FBXL17: variants seen among roughly 807,000 people sequenced by gnomAD.
FBXL17 encodes the protein F-box/LRR-repeat protein 17.
Under a neutral mutation model 66.2 loss-of-function variants are expected in FBXL17, and 22 were observed. The ratio of observed to expected loss-of-function variants is 0.33; its 90% CI spans 0.24 to 0.47. FBXL17 has a LOEUF of 0.47. Among genes scored for constraint, FBXL17 ranks in the 20% least tolerant of loss-of-function variants. The probability of loss-of-function intolerance (pLI) is 1.00; values close to 1 mark genes in which losing one functional copy is unlikely to be tolerated. For synonymous variants in FBXL17, 474 were observed against 400.5 expected (o/e 1.18, Z -2.19); for missense variants, 878 against 948.2 (o/e 0.93, Z 0.97).
At chr5:107,980,664 A>ATTT (rs57472813) in intron 7 of FBXL17, among the ~76,000 whole-genome samples, 6 of 62,062 alleles carry the variant, frequency 9.7e-5, no homozygotes, top group African/African-American at 5.1e-4. Flanking sequence ...ATATATATAT[A>ATTT]TTTTTTTTTT....
intron 7 of FBXL17, among the ~76,000 whole-genome samples, chr5:107,986,557 G>A (rs936717729): frequency 2.6e-5 from 4 of 151,452 alleles, no homozygotes; most frequent in African/African-American, 9.7e-5. Flanking sequence ...CTTATCTCTT[G>A]AATATAACAG....
chr5:108,073,186 T>C (rs1458641141), intron 6 of FBXL17, among the ~76,000 whole-genome samples: 1 of 152,140 alleles, frequency 6.6e-6, no homozygotes, highest in Non-Finnish European at 1.5e-5. Context: ...CCAAATCTAC[T>C]GGGAAACATC....
chr5:108,247,943 G>T (rs1756178349), intron 4 of FBXL17, among the ~76,000 whole-genome samples: 1 of 152,158 alleles, frequency 6.6e-6, no homozygotes, highest in South Asian at 2.1e-4. Context: ...TGAAGACTCT[G>T]ACTCTTTGGC....
chr5:108,232,084 A>G (rs535022344), intron 4 of FBXL17, among the ~76,000 whole-genome samples: 9 of 152,350 alleles, frequency 5.9e-5, no homozygotes, highest in African/African-American at 2.2e-4. Flanking sequence ...GACAGAAACA[A>G]GGACTGTAAC....
chr5:108,303,139 T>C (rs776944073), intron 4 of FBXL17, among the ~76,000 whole-genome samples: 1 of 151,878 alleles, frequency 6.6e-6, no homozygotes, highest in Non-Finnish European at 1.5e-5. Flanking sequence ...CTTGTATATA[T>C]ATAAAAATGT....
chr5:108,282,624 T>C (rs1216623901), intron 4 of FBXL17, among the ~76,000 whole-genome samples: 1 of 151,734 alleles, frequency 6.6e-6, no homozygotes, highest in Non-Finnish European at 1.5e-5. Flanking sequence ...ATACCCACTT[T>C]ACTATTCCTA....
At chr5:107,937,786 C>A (rs940800319) in intron 7 of FBXL17, among the ~76,000 whole-genome samples, 1 of 152,132 alleles carries the variant, frequency 6.6e-6, no homozygotes, top group Non-Finnish European at 1.5e-5. Context: ...ACACCTCTCA[C>A]TGGCAATATT....
At chr5:108,373,367 T>TAAAA (rs1399740724) in intron 1 of FBXL17, among the ~76,000 whole-genome samples, 1 of 44,106 alleles carries the variant, frequency 2.3e-5, no homozygotes, top group Non-Finnish European at 4.6e-5. Flanking sequence ...TATATATTAA[T>TAAAA]ATAAATATAT....
chr5:108,279,303 A>T (rs1312549813), intron 4 of FBXL17, among the ~76,000 whole-genome samples: 1 of 152,144 alleles, frequency 6.6e-6, no homozygotes, highest in East Asian at 1.9e-4. Context: ...AACAAAAGGC[A>T]TGCTTAGTCC....
intron 4 of FBXL17, among the ~76,000 whole-genome samples, chr5:108,300,750 TAAAG>T (rs1758551433): frequency 6.6e-6 from 1 of 151,524 alleles, no homozygotes; most frequent in Admixed American, 6.6e-5. Flanking sequence ...AAGGAAAAAA[TAAAG>T]ATATATATTT....
At chr5:108,159,340 G>C (rs1184534730) in intron 6 of FBXL17, among the ~76,000 whole-genome samples, 1 of 152,152 alleles carries the variant, frequency 6.6e-6, no homozygotes, top group Non-Finnish European at 1.5e-5. Context: ...TTGATAGTGT[G>C]ATACAACCTG....
intron 6 of FBXL17, among the ~76,000 whole-genome samples, chr5:108,092,705 T>C (rs1749231652): frequency 6.6e-6 from 1 of 152,192 alleles, no homozygotes; most frequent in African/African-American, 2.4e-5. Context: ...CATTAAATGC[T>C]TTCCCCAAAA....
At chr5:108,346,489 T>C (rs1297709335) in intron 4 of FBXL17, among the ~76,000 whole-genome samples, 1 of 152,104 alleles carries the variant, frequency 6.6e-6, no homozygotes, top group Non-Finnish European at 1.5e-5. Flanking sequence ...AATTGTTTGA[T>C]TGCCAATAAA....
chr5:108,374,579 G>A (rs923072387), intron 1 of FBXL17, among the ~76,000 whole-genome samples: 1 of 152,140 alleles, frequency 6.6e-6, no homozygotes, highest in African/African-American at 2.4e-5. Flanking sequence ...GAGAGGCTGA[G>A]GTGGGAGGAT....
chr5:108,290,152 A>C (rs1320450268), intron 4 of FBXL17, among the ~76,000 whole-genome samples: 1 of 152,178 alleles, frequency 6.6e-6, no homozygotes, highest in Non-Finnish European at 1.5e-5. Context: ...TGTCAGTTTA[A>C]CTGGCAACAT....
At chr5:108,068,180 T>C (rs564571608) in intron 6 of FBXL17, among the ~76,000 whole-genome samples, 1 of 152,318 alleles carries the variant, frequency 6.6e-6, no homozygotes, top group African/African-American at 2.4e-5. Context: ...TTGCCTTTTA[T>C]TGCGTATATG....
chr5:108,191,406 A>C (rs1456430981), intron 5 of FBXL17, among the ~76,000 whole-genome samples: 1 of 152,236 alleles, frequency 6.6e-6, no homozygotes, highest in East Asian at 1.9e-4. Context: ...AAAATAGCAC[A>C]TTCTATGTTA....
intron 7 of FBXL17, among the ~76,000 whole-genome samples, chr5:107,895,008 C>T (rs1218532821): frequency 6.6e-6 from 1 of 151,912 alleles, no homozygotes; most frequent in African/African-American, 2.4e-5. Context: ...CTCCCTTTTC[C>T]CTCTTCCTCC....
chr5:108,264,011 C>G (rs536103562), intron 4 of FBXL17, among the ~76,000 whole-genome samples: 1 of 151,722 alleles, frequency 6.6e-6, no homozygotes. Context: ...GTCAGGAGTT[C>G]GAGACCAACC....
Sources: allele counts gnomAD v4.1 joint callset (sites outside exome capture counted in the v4.1 genomes callset), GRCh38; gene constraint gnomAD v4.1.1; transcripts MANE v1.5; gene names NCBI Gene and HGNC (gene_info 2026-07-23, HGNC 2026-07-21).